DPYSL2: variants seen among roughly 807,000 people sequenced by gnomAD.
DPYSL2 encodes dihydropyrimidinase-related protein 2.
A neutral mutation model predicts 69.9 loss-of-function variants in DPYSL2; 13 were observed. That is an observed-to-expected ratio of 0.19 (90% CI 0.12 to 0.30). DPYSL2 has a LOEUF of 0.30. Among genes scored for constraint, DPYSL2 ranks in the 10% least tolerant of loss-of-function variants. DPYSL2 has a pLI of 1.00. For missense variants in DPYSL2, 587 were observed against 918.9 expected (o/e 0.64, Z 4.67); for synonymous variants, 326 against 359.1 (o/e 0.91, Z 1.04).
At chr8:26,529,164 G>A (rs2117609012) in intron 1 of DPYSL2, among the ~76,000 whole-genome samples, 1 of 152,168 alleles carries the variant, frequency 6.6e-6, no homozygotes, top group South Asian at 2.1e-4. Flanking sequence ...GATTCATATG[G>A]CACTACTAGC....
chr8:26,576,995 T>C, intron 1 of DPYSL2: 2 of 309,056 alleles, frequency 6.5e-6, no homozygotes, highest in Non-Finnish European at 1.3e-5. Flanking sequence ...TCGCGCCACA[T>C]CGGCCTCGGC....
chr8:26,616,779 G>A (rs1266169977), intron 3 of DPYSL2, among the ~76,000 whole-genome samples: 2 of 150,704 alleles, frequency 1.3e-5, no homozygotes, highest in African/African-American at 4.9e-5. Flanking sequence ...AGGTGGGATT[G>A]GAGGGCTTGG....
chr8:26,538,201 TGAG>T (rs1285747400), intron 1 of DPYSL2, among the ~76,000 whole-genome samples: 6 of 152,166 alleles, frequency 3.9e-5, no homozygotes, highest in Admixed American at 6.5e-5. Flanking sequence ...TTATACTTAT[TGAG>T]GAGGAGTGAT....
chr8:26,542,129 AT>A (rs980484925), intron 1 of DPYSL2, among the ~76,000 whole-genome samples: 1 of 152,108 alleles, frequency 6.6e-6, no homozygotes, highest in Admixed American at 6.5e-5. Context: ...CTACAAAAAA[AT>A]TTTAAAAATT....
chr8:26,625,676 T>C (rs557830438), intron 4 of DPYSL2, among the ~76,000 whole-genome samples: 4 of 152,294 alleles, frequency 2.6e-5, no homozygotes, highest in Admixed American at 6.5e-5. Context: ...AATCATTTGC[T>C]TAAAAATCAG....
intron 1 of DPYSL2, among the ~76,000 whole-genome samples, chr8:26,535,772 C>T (rs1800581651): frequency 6.6e-6 from 1 of 152,036 alleles, no homozygotes; most frequent in Admixed American, 6.6e-5. Context: ...CGTGCCAGGA[C>T]ATAGTGCAGT....
chr8:26,622,151 T>TCCC (rs1563413396), intron 3 of DPYSL2, among the ~76,000 whole-genome samples: 9 of 42,230 alleles, frequency 2.1e-4, no homozygotes, highest in East Asian at 8.8e-4. Context: ...CCTTCCTTCC[T>TCCC]TCCTTCCCTC....
Position 26,647,622 on chromosome 8 carries a change from T to C in DPYSL2, c.1426-8T>C. On this transcript the variant is annotated splice_polypyrimidine_tract_variant and splice_region_variant and intron_variant, in intron 10 of 13. Coordinates refer to ENST00000521913, the MANE Select transcript of DPYSL2 (RefSeq NM_001197293.3). This position sits in a 1 kb window ranked among gnomAD's most constrained non-coding sequence, Gnocchi z 5.1. ...GCCTCCTGTGCACACCTATGCTGTC[T>C]CCCTCAGGTCACTGGGAAGATGGAT... 1 of 1,609,518 alleles carries C rather than the reference T, an allele frequency of 6.2e-7. No individual in the cohort carries two copies. The highest frequency in any genetic ancestry group is 8.5e-7 in the Non-Finnish European group (1 of 1,178,160).
In DPYSL2 at chr8:26,656,248, A is replaced by T. The variant is rs1337996274; in HGVS notation, c.*542A>T. 6.6e-6 allele frequency: 1 copy of T among 150,744 alleles called. No individual in the cohort carries two copies. The highest frequency in any genetic ancestry group is 1.5e-5 in the Non-Finnish European group (1 of 67,838). 9.3% of individuals were successfully genotyped at this position (150,744 alleles called of 1,614,324 possible). Reference sequence around the variant, plus strand: ...TTAATACAAGGGGTTTGAACTGGACATCCTAATGATGCAATTACGTCATCA... The same window carrying T: ...TTAATACAAGGGGTTTGAACTGGACTTCCTAATGATGCAATTACGTCATCA... On this transcript the variant is annotated 3_prime_UTR_variant, in exon 14 of 14. Transcript: ENST00000521913.
chr8:26,651,538 G>A (rs2129994435), intron 11 of DPYSL2, among the ~76,000 whole-genome samples: 1 of 152,348 alleles, frequency 6.6e-6, no homozygotes, highest in Non-Finnish European at 1.5e-5. Context: ...TGGGTTAGCA[G>A]AAGCTGCAGG....
At position 26,586,639 on chromosome 8, in the gene DPYSL2, T is replaced by A. The variant is rs545514477; in HGVS notation, c.628+2656T>A. Among the ~76,000 whole-genome samples, 1 of 152,306 alleles carries A rather than the reference T, an allele frequency of 6.6e-6. No individual in the cohort carries two copies. Among genetic ancestry groups the A allele is most frequent in the South Asian group, 2.1e-4 (1 of 4,816 alleles). The stretch of plus-strand genomic sequence containing the variant: ...GTCTTCCCCCTCAGAGGCTGTGGCC[T>A]TTTTTCCATTCATCCAGATGGGTTC... On this transcript the variant is annotated intron_variant, in intron 3 of 13. Transcript: ENST00000521913. The surrounding 1 kb of genome is among the most constrained non-coding windows in gnomAD (Gnocchi z 4.7).
At chr8:26,520,833 A>C (rs1451321351) in intron 1 of DPYSL2, among the ~76,000 whole-genome samples, 1 of 152,142 alleles carries the variant, frequency 6.6e-6, no homozygotes, top group African/African-American at 2.4e-5. Flanking sequence ...GTGTCTGGTG[A>C]GGACCCACCT....
chr8:26,575,806 CTTTGT>C (rs1801317381), intron 1 of DPYSL2, among the ~76,000 whole-genome samples: 1 of 152,154 alleles, frequency 6.6e-6, no homozygotes, highest in East Asian at 1.9e-4. Flanking sequence ...TTATAGGTTA[CTTTGT>C]TTTAAATTAA....
intron 3 of DPYSL2, among the ~76,000 whole-genome samples, chr8:26,595,696 T>C (rs563459957): frequency 7.9e-5 from 12 of 152,186 alleles, no homozygotes; most frequent in Non-Finnish European, 1.8e-4. Flanking sequence ...GTGTTTCGGC[T>C]AAGGAAGCAT....
At chr8:26,555,940 A>G (rs929668312) in intron 1 of DPYSL2, among the ~76,000 whole-genome samples, 2 of 129,498 alleles carry the variant, frequency 1.5e-5, no homozygotes, top group African/African-American at 5.8e-5. Context: ...CACATATACT[A>G]TATATACATA....
At chr8:26,646,255 G>A (rs1388618552) in intron 10 of DPYSL2, among the ~76,000 whole-genome samples, 1 of 150,954 alleles carries the variant, frequency 6.6e-6, no homozygotes, top group Non-Finnish European at 1.5e-5. Flanking sequence ...ACACATTCTT[G>A]ATTATGTTTG....
intron 10 of DPYSL2, among the ~76,000 whole-genome samples, chr8:26,646,562 C>G (rs1292080543): frequency 6.6e-6 from 1 of 152,138 alleles, no homozygotes; most frequent in Non-Finnish European, 1.5e-5. Context: ...TTTTCTCCCT[C>G]TTAATACCAG....
At position 26,644,843 on chromosome 8, in the gene DPYSL2, C is replaced by A. The variant is rs1378430858; in HGVS notation, c.1425+752C>A. ...TTCCAGTAGGCCTGCTATGAACATA[C>A]ACTGACCTTTAGAGGATCTTTGGGC... On this transcript the variant is annotated intron_variant, in intron 10 of 13. Transcript: ENST00000521913. The surrounding 1 kb of genome is among the most constrained non-coding windows in gnomAD (Gnocchi z 4.5). Among the ~76,000 whole-genome samples the A allele has an allele frequency of 2.0e-5, 3 of 152,150 alleles. No homozygotes were observed. Among genetic ancestry groups the A allele is most frequent in the Non-Finnish European group, 4.4e-5 (3 of 68,030 alleles).
Position 26,585,119 on chromosome 8 carries a change from G to C in DPYSL2, c.628+1136G>C, listed in dbSNP as rs975457331. Among the ~76,000 whole-genome samples, 4 of 152,132 alleles carry C rather than the reference G, an allele frequency of 2.6e-5. No homozygotes were observed. The highest frequency in any genetic ancestry group is 9.7e-5 in the African/African-American group (4 of 41,424). On this transcript the variant is annotated intron_variant, in intron 3 of 13. Coordinates refer to ENST00000521913, the MANE Select transcript of DPYSL2 (RefSeq NM_001197293.3). The surrounding 1 kb of genome is among the most constrained non-coding windows in gnomAD (Gnocchi z 4.0). ...AGATACATATTTTAAAAAACAGATT[G>C]CATCCAAGAGTGACAGTCAACGTGG...
Sources: allele counts gnomAD v4.1 joint callset (sites outside exome capture counted in the v4.1 genomes callset), GRCh38; gene constraint gnomAD v4.1.1; non-coding constraint Gnocchi (gnomAD v3.1); transcripts MANE v1.5; gene names NCBI Gene and HGNC (gene_info 2026-07-23, HGNC 2026-07-21).